Variants in DIS3L2 observed in about 807,000 individuals in gnomAD.
DIS3L2 encodes the protein DIS3 like 3'-5' exoribonuclease 2, also known as DIS3-like exonuclease 2.
A neutral mutation model predicts 97.5 loss-of-function variants in DIS3L2; 34 were observed. That is an observed-to-expected ratio of 0.35 (90% CI 0.27 to 0.46). The LOEUF (loss-of-function observed/expected upper bound fraction) is 0.46. Ranked by LOEUF, DIS3L2 falls within the 20% of genes least tolerant of loss-of-function variation. DIS3L2 has a pLI of 1.00. For missense variants in DIS3L2, 1,038 were observed against 1,146.0 expected (o/e 0.91, Z 1.36); for synonymous variants, 435 against 445.2 (o/e 0.98, Z 0.29).
intron 8 of DIS3L2, among the ~76,000 whole-genome samples, chr2:232,149,295 C>G (rs1358740599): frequency 6.9e-6 from 1 of 145,796 alleles, no homozygotes; most frequent in Non-Finnish European, 1.5e-5. Flanking sequence ...GTGCTGCACC[C>G]ACTAATGTGT....
At chr2:232,061,983 G>A (rs1283983184) in intron 5 of DIS3L2, among the ~76,000 whole-genome samples, 2 of 151,764 alleles carry the variant, frequency 1.3e-5, no homozygotes, top group African/African-American at 4.8e-5. Context: ...TTCTTTCTTT[G>A]TAAAAGAAAA....
chr2:232,274,889 T>G (rs1559187272), intron 13 of DIS3L2, among the ~76,000 whole-genome samples: 1 of 152,250 alleles, frequency 6.6e-6, no homozygotes, highest in Non-Finnish European at 1.5e-5. Context: ...TGGTTGAACT[T>G]GGTGGAAACC....
At chr2:232,098,829 T>C (rs1221063330) in intron 6 of DIS3L2, among the ~76,000 whole-genome samples, 1 of 152,218 alleles carries the variant, frequency 6.6e-6, no homozygotes, top group African/African-American at 2.4e-5. Flanking sequence ...TTTTGTCATT[T>C]AGTCATTTGT....
intron 5 of DIS3L2, among the ~76,000 whole-genome samples, chr2:232,053,861 C>G (rs1413511995): frequency 6.6e-6 from 1 of 152,158 alleles, no homozygotes; most frequent in East Asian, 1.9e-4. Flanking sequence ...CCACATTACA[C>G]AGGGATGATT....
At chr2:231,982,499 T>G (rs771837108) in intron 1 of DIS3L2, among the ~76,000 whole-genome samples, 10 of 152,230 alleles carry the variant, frequency 6.6e-5, no homozygotes, top group Non-Finnish European at 1.5e-4. Context: ...TTATGATAAC[T>G]TCTTTAATCT....
intron 1 of DIS3L2, among the ~76,000 whole-genome samples, chr2:232,006,822 G>A (rs1694065218): frequency 6.6e-6 from 1 of 151,492 alleles, no homozygotes; most frequent in Admixed American, 6.6e-5. Flanking sequence ...TGAAGAATTT[G>A]TATTACAAAG....
intron 14 of DIS3L2, among the ~76,000 whole-genome samples, chr2:232,320,210 C>T (rs1484250071): frequency 1.3e-5 from 2 of 151,978 alleles, no homozygotes; most frequent in Non-Finnish European, 2.9e-5. Context: ...TCATTGAAAC[C>T]GCTCTGAACC....
chr2:232,212,019 G>A (rs1031181689), intron 10 of DIS3L2, among the ~76,000 whole-genome samples: 2 of 152,126 alleles, frequency 1.3e-5, no homozygotes, highest in South Asian at 2.1e-4. Flanking sequence ...CCACTGTGCT[G>A]AGCCTCAATA....
At position 232,335,574 on chromosome 2, in the gene DIS3L2, C is replaced by T. The variant is rs528205548; in HGVS notation, c.2395-199C>T. 11 of 618,526 alleles carry T rather than the reference C, an allele frequency of 1.8e-5. 1 individual carries two copies. In the East Asian group the frequency reaches 2.8e-4, roughly 16 times the overall value. 38.3% of individuals were successfully genotyped at this position (618,526 alleles called of 1,614,324 possible). On this transcript the variant is annotated intron_variant, in intron 19 of 20. Coordinates refer to ENST00000325385, the MANE Select transcript of DIS3L2 (RefSeq NM_152383.5). ...AGCCACGGGCCTTCCCAGCCCCCAC[C>T]CCTGGCCCTTGGTCACTCTCACCTG...
chr2:232,285,087 G>A (rs1444079041), intron 13 of DIS3L2, among the ~76,000 whole-genome samples: 1 of 152,162 alleles, frequency 6.6e-6, no homozygotes, highest in African/African-American at 2.4e-5. Flanking sequence ...TTCTTATATT[G>A]ATCTTAATTT....
chr2:232,233,432 C>T (rs1692850605), intron 10 of DIS3L2, among the ~76,000 whole-genome samples: 2 of 152,220 alleles, frequency 1.3e-5, no homozygotes, highest in African/African-American at 4.8e-5. Context: ...CCTCTGAGGC[C>T]TGATAACCTC....
intron 6 of DIS3L2, among the ~76,000 whole-genome samples, chr2:232,101,081 C>G (rs564330800): frequency 1.2e-4 from 18 of 151,974 alleles, no homozygotes; most frequent in Admixed American, 6.5e-4. Flanking sequence ...ACTAAAAATA[C>G]AAAAATTAGG....
At chr2:231,999,688 C>T (rs1693827630) in intron 1 of DIS3L2, among the ~76,000 whole-genome samples, 2 of 152,140 alleles carry the variant, frequency 1.3e-5, no homozygotes, top group African/African-American at 4.8e-5. Context: ...TTTATTTACA[C>T]TTATTTTTTG....
chr2:232,192,334 A>G (rs887416730), intron 9 of DIS3L2, among the ~76,000 whole-genome samples: 2 of 152,188 alleles, frequency 1.3e-5, no homozygotes, highest in Non-Finnish European at 2.9e-5. Flanking sequence ...CTGAGGGGGA[A>G]GAACTGGGAC....
intron 8 of DIS3L2, among the ~76,000 whole-genome samples, chr2:232,162,835 G>A (rs903350523): frequency 3.3e-5 from 5 of 152,152 alleles, no homozygotes; most frequent in Non-Finnish European, 1.5e-5. Flanking sequence ...CCTTCTGAAA[G>A]GTGGAACCCT....
At chr2:231,997,988 C>T (rs1304453378) in intron 1 of DIS3L2, among the ~76,000 whole-genome samples, 1 of 152,104 alleles carries the variant, frequency 6.6e-6, no homozygotes, top group Admixed American at 6.6e-5. Flanking sequence ...AGAGTTGTCA[C>T]GTGTCTTTAG....
At chr2:232,212,764 G>A (rs1692225532) in intron 10 of DIS3L2, among the ~76,000 whole-genome samples, 1 of 152,154 alleles carries the variant, frequency 6.6e-6, no homozygotes, top group African/African-American at 2.4e-5. Context: ...AATAGTTGTG[G>A]ACCTGGACTA....
intron 5 of DIS3L2, among the ~76,000 whole-genome samples, chr2:232,051,668 C>G (rs895342978): frequency 4.6e-5 from 7 of 150,564 alleles, no homozygotes; most frequent in Non-Finnish European, 1.0e-4. Context: ...AAAAATTAGC[C>G]GGGCGTAGTG....
At chr2:232,304,216 A>G (rs1054172580) in intron 14 of DIS3L2, among the ~76,000 whole-genome samples, 4 of 151,772 alleles carry the variant, frequency 2.6e-5, no homozygotes, top group African/African-American at 9.7e-5. Flanking sequence ...CACTAAATCC[A>G]GTTAATCAAG....
Sources: allele counts gnomAD v4.1 joint callset (sites outside exome capture counted in the v4.1 genomes callset), GRCh38; gene constraint gnomAD v4.1.1; transcripts MANE v1.5; gene names NCBI Gene and HGNC (gene_info 2026-07-23, HGNC 2026-07-21).